The following PHLDB2 variants were observed in gnomAD, a reference collection of about 807,000 sequenced individuals.
PHLDB2 encodes the protein pleckstrin homology-like domain family B member 2.
Under a neutral mutation model 123.6 loss-of-function variants are expected in PHLDB2, and 71 were observed. The observed-to-expected ratio is 0.57, with a 90% confidence interval of 0.47 to 0.70. PHLDB2 has a LOEUF of 0.70. Ranked by LOEUF, PHLDB2 falls within the 30% of genes least tolerant of loss-of-function variation. The probability of loss-of-function intolerance (pLI) is 0.00; values close to 1 mark genes in which losing one functional copy is unlikely to be tolerated. For synonymous variants in PHLDB2, 547 were observed against 541.6 expected (o/e 1.01, Z -0.14); for missense variants, 1,446 against 1,519.5 (o/e 0.95, Z 0.80).
chr3:111,861,145 GATAA>G (rs1189344197), intron 1 of PHLDB2, among the ~76,000 whole-genome samples: 1 of 152,180 alleles, frequency 6.6e-6, no homozygotes, highest in African/African-American at 2.4e-5. Flanking sequence ...TCGGATTTGG[GATAA>G]ATAAACCGTT....
intron 1 of PHLDB2, among the ~76,000 whole-genome samples, chr3:111,751,916 G>C (rs910870256): frequency 1.3e-5 from 2 of 152,140 alleles, no homozygotes; most frequent in African/African-American, 2.4e-5. Flanking sequence ...AGGAGACTCT[G>C]AGCTGCATCT....
chr3:111,792,567 T>C (rs2060974917), intron 1 of PHLDB2, among the ~76,000 whole-genome samples: 1 of 152,020 alleles, frequency 6.6e-6, no homozygotes, highest in South Asian at 2.1e-4. Flanking sequence ...ATTCGCCAAG[T>C]GTAGTGGCAC....
Position 111,872,092 on chromosome 3 carries a change from G to A in PHLDB2, c.-14-11972G>A, listed in dbSNP as rs138939438. On this transcript the variant is annotated intron_variant, in intron 1 of 17. Coordinates refer to ENST00000431670, the MANE Select transcript of PHLDB2 (RefSeq NM_001134438.2). ...GGAAAGTAAATGCAAACATTTCAAC[G>A]TACATTAACTTCTTTCCTGTTTAGA... 4.4e-4 allele frequency among the ~76,000 whole-genome samples: 67 copies of A among 152,264 alleles called. No individual in the cohort carries two copies. The East Asian group carries it at 0.012, about 26-fold the overall frequency.
At chr3:111,783,484 T>G (rs2060561884) in intron 1 of PHLDB2, among the ~76,000 whole-genome samples, 1 of 151,784 alleles carries the variant, frequency 6.6e-6, no homozygotes, top group African/African-American at 2.4e-5. Context: ...AAGAGAAACA[T>G]GAGCAAGGTA....
chr3:111,857,758 C>T (rs1439625382), upstream of PHLDB2, among the ~76,000 whole-genome samples: 3 of 152,108 alleles, frequency 2.0e-5, no homozygotes, highest in Admixed American at 6.5e-5. Flanking sequence ...AACGAGATAC[C>T]ATCTCACGCC....
At chr3:111,869,998 T>C (rs1451669741) in intron 1 of PHLDB2, among the ~76,000 whole-genome samples, 1 of 152,240 alleles carries the variant, frequency 6.6e-6, no homozygotes, top group Non-Finnish European at 1.5e-5. Flanking sequence ...CATTTGCTGC[T>C]GTGTTTATTT....
chr3:111,806,866 G>T (rs2061611880), intron 1 of PHLDB2, among the ~76,000 whole-genome samples: 1 of 150,458 alleles, frequency 6.6e-6, no homozygotes, highest in African/African-American at 2.5e-5. Context: ...TTCTTCCTAG[G>T]CTCAAGCACC....
In PHLDB2 at chr3:111,940,633, G is replaced by A. The variant is rs146579105; in HGVS notation, c.2385G>A (p.Met795Ile). 1,413 of 1,586,798 alleles carry A rather than the reference G, an allele frequency of 8.9e-4. 1 individual carries two copies. Among genetic ancestry groups the A allele is most frequent in the Non-Finnish European group, 1.0e-3 (1,175 of 1,161,756 alleles). Residue 795 changes from methionine to isoleucine, a missense_variant, in exon 8 of 18, where the codon ATG becomes ATA. Met to Ile is a conservative substitution (Grantham distance 10). Transcript: ENST00000431670. Reference sequence around the variant, plus strand: ...TGAAAGAAAAGAATAATTTAATAATGATGTTGCAAAGAGTAAGTATTTCCT... The same window carrying A: ...TGAAAGAAAAGAATAATTTAATAATAATGTTGCAAAGAGTAAGTATTTCCT... ...HFVKEKNNLI[M>I]MLQREKENLC...
chr3:111,808,276 T>C (rs894688566), intron 1 of PHLDB2, among the ~76,000 whole-genome samples: 1 of 152,136 alleles, frequency 6.6e-6, no homozygotes, highest in African/African-American at 2.4e-5. Flanking sequence ...CCACAGAGAC[T>C]AGCTGTACCC....
chr3:111,791,057 A>G (rs866784326), intron 1 of PHLDB2, among the ~76,000 whole-genome samples: 2 of 152,180 alleles, frequency 1.3e-5, no homozygotes, highest in Non-Finnish European at 2.9e-5. Context: ...ATGTTTTATT[A>G]TTGTGTCACA....
chr3:111,761,686 A>G (rs896455654), intron 1 of PHLDB2, among the ~76,000 whole-genome samples: 8 of 152,180 alleles, frequency 5.3e-5, no homozygotes, highest in Non-Finnish European at 8.8e-5. Flanking sequence ...CACACCCAGA[A>G]TTTCTGATTC....
At chr3:111,739,334 A>G (rs927266532) in intron 1 of PHLDB2, among the ~76,000 whole-genome samples, 1 of 152,130 alleles carries the variant, frequency 6.6e-6, no homozygotes, top group Admixed American at 6.6e-5. Context: ...TCTCTTGTCC[A>G]GCACTCAGCT....
intron 1 of PHLDB2, among the ~76,000 whole-genome samples, chr3:111,823,730 TG>T (rs1319488779): frequency 6.6e-6 from 1 of 152,216 alleles, no homozygotes; most frequent in Non-Finnish European, 1.5e-5. Flanking sequence ...TCAAATAACT[TG>T]GTCATTATAT....
chr3:111,736,231 G>A (rs1410520393), intron 1 of PHLDB2, among the ~76,000 whole-genome samples: 1 of 152,132 alleles, frequency 6.6e-6, no homozygotes, highest in Non-Finnish European at 1.5e-5. Context: ...TCATCTCCTA[G>A]TTTATAAACA....
chr3:111,966,555 T>A, intron 13 of PHLDB2, 58 bp from the exon 14 acceptor site: 1 of 1,138,386 alleles, frequency 8.8e-7, no homozygotes, highest in Non-Finnish European at 1.3e-6. Flanking sequence ...TGTGTATGTA[T>A]TAGAGAGACT....
chr3:111,856,075 A>G (rs1226665292), upstream of PHLDB2, among the ~76,000 whole-genome samples: 1 of 152,198 alleles, frequency 6.6e-6, no homozygotes, highest in South Asian at 2.1e-4. Flanking sequence ...AAAAAGTCAC[A>G]TTCAATGACT....
chr3:111,917,899 AT>A (rs1211975454), intron 3 of PHLDB2, among the ~76,000 whole-genome samples: 3 of 151,994 alleles, frequency 2.0e-5, no homozygotes, highest in Non-Finnish European at 4.4e-5. Flanking sequence ...TAATTTGAAG[AT>A]TTTTTTTAAT....
In PHLDB2 at chr3:111,962,226, G is replaced by A. The variant is rs373362783; in HGVS notation, c.2991G>A (p.Lys997=). 6.3e-7 allele frequency: 1 copy of A among 1,580,026 alleles called. No homozygotes were observed. Among genetic ancestry groups the A allele is most frequent in the Admixed American group, 2.1e-5 (1 of 48,222 alleles). ...NSFHYPDHSY[K]DQAFDTLSLD... Reference sequence around the variant, plus strand: ...TCCATTATCCAGATCACAGCTACAAGGACCAGGCCTTTGATACTCTGAGCC... The same window carrying A: ...TCCATTATCCAGATCACAGCTACAAAGACCAGGCCTTTGATACTCTGAGCC... Residue 997 remains lysine (K), a synonymous_variant, in exon 13 of 18, where the codon AAG becomes AAA. Coordinates refer to ENST00000431670, the MANE Select transcript of PHLDB2 (RefSeq NM_001134438.2).
At chr3:111,966,767 A>G (rs747885589) in intron 14 of PHLDB2, 64 bp downstream of exon 14, 345 of 1,266,182 alleles carry the variant, frequency 2.7e-4, no homozygotes, top group Non-Finnish European at 3.6e-4. Context: ...TGCGCTTGGC[A>G]TCAGACAATA....
Sources: gnomAD v4.1 joint callset for allele counts (sites outside exome capture counted in the v4.1 genomes callset) on GRCh38, gnomAD v4.1.1 for gene constraint, MANE v1.5 for transcripts, NCBI Gene and HGNC (gene_info 2026-07-23, HGNC 2026-07-21) for gene names.